The following PHLDB1 variants were observed in gnomAD, a reference collection of about 807,000 sequenced individuals.
The protein encoded by PHLDB1 is pleckstrin homology like domain family B member 1.
A neutral mutation model predicts 139.3 loss-of-function variants in PHLDB1; 65 were observed. The ratio of observed to expected loss-of-function variants is 0.47; its 90% CI spans 0.38 to 0.57. PHLDB1 has a LOEUF of 0.57. Ranked by LOEUF, PHLDB1 falls within the 20% of genes least tolerant of loss-of-function variation. The pLI is 0.00. For missense variants in PHLDB1, 1,624 were observed against 1,839.7 expected (o/e 0.88, Z 2.14); for synonymous variants, 679 against 734.5 (o/e 0.92, Z 1.22).
In PHLDB1 at chr11:118,657,972, G is replaced by C. The variant is rs1471954297; in HGVS notation, c.*1149G>C. ...CCTTGGTTGCCTGGGCCCAGGCTGG[G>C]GGTTTTCAGTATTTGTAAGCATTTC... On this transcript the variant is annotated 3_prime_UTR_variant, in exon 23 of 23. Coordinates refer to ENST00000600882, the MANE Select transcript of PHLDB1 (RefSeq NM_001144758.3). 3.2e-6 allele frequency: 1 copy of C among 311,492 alleles called. No individual in the cohort carries two copies. The allele number at this position is 311,492 out of a possible 1,614,324, so 19.3% of individuals were successfully genotyped here.
At chr11:118,631,076 C>T (rs1591599933) in intron 6 of PHLDB1, 131 bp from the exon 7 acceptor site, 1 of 792,064 alleles carries the variant, frequency 1.3e-6, no homozygotes, top group South Asian at 4.5e-5. Context: ...TCAGGCCTCT[C>T]CTGACTTGAC....
chr11:118,650,107 C>A lies in PHLDB1; in HGVS notation c.3685C>A (p.Arg1229=), dbSNP rs782338322. The A allele has an allele frequency of 9.9e-6, 16 of 1,614,138 alleles. No individual in the cohort carries two copies. The highest frequency in any genetic ancestry group is 1.4e-5 in the Non-Finnish European group (16 of 1,179,992). The stretch of plus-strand genomic sequence containing the variant: ...ACCCCTGACCCGCTACCTGCCAATC[C>A]GGAAGGAGGACTTTGACCTGAAGAC... ...ARPLTRYLPI[R]KEDFDLKTHI... The change falls in exon 19 of 23, where the codon CGG becomes AGG. Residue 1229 remains arginine (R), a synonymous_variant. Coordinates refer to ENST00000600882, the MANE Select transcript of PHLDB1 (RefSeq NM_001144758.3). The surrounding 1 kb of genome is among the most constrained non-coding windows in gnomAD (Gnocchi z 4.7).
intron 14 of PHLDB1, 40 bp from the exon 15 acceptor site, chr11:118,644,032 G>A: frequency 6.2e-7 from 1 of 1,607,516 alleles, no homozygotes; most frequent in Admixed American, 1.7e-5. Context: ...GGGGGTAAGG[G>A]CCTTCTGAGC....
chr11:118,622,078 T>G (rs1470524983), intron 4 of PHLDB1, among the ~76,000 whole-genome samples: 1 of 152,166 alleles, frequency 6.6e-6, no homozygotes, highest in African/African-American at 2.4e-5. Flanking sequence ...CTCTCACAGA[T>G]AGGATTCACC....
At chr11:118,639,402 G>C in intron 12 of PHLDB1, 151 bp downstream of exon 12, 1 of 648,446 alleles carries the variant, frequency 1.5e-6, no homozygotes, top group Non-Finnish European at 2.8e-6. Flanking sequence ...CCCAAGCTCT[G>C]GGATTTGATT....
In PHLDB1 at chr11:118,657,063, T is replaced by C. The variant is rs1195750088; in HGVS notation, c.*240T>C. 7.3e-6 allele frequency: 3 copies of C among 413,016 alleles called. No homozygotes were observed. The highest frequency in any genetic ancestry group is 6.0e-5 in the African/African-American group (3 of 50,304). 25.6% of individuals were successfully genotyped at this position (413,016 alleles called of 1,614,324 possible). On this transcript the variant is annotated 3_prime_UTR_variant, in exon 23 of 23. Coordinates refer to ENST00000600882, the MANE Select transcript of PHLDB1 (RefSeq NM_001144758.3). ...GCTGTCACAGAGAGGGCCTCAGCTC[T>C]GACCTGACACCTGCTCTCCCCAGCC...
intron 20 of PHLDB1, chr11:118,653,642 T>C (rs1948637926): frequency 6.6e-6 from 1 of 152,186 alleles, no homozygotes; most frequent in South Asian, 2.1e-4. Flanking sequence ...CACTGTGAGA[T>C]TGTAGTTTCC....
intron 18 of PHLDB1, among the ~76,000 whole-genome samples, chr11:118,648,572 G>C (rs1171484403): frequency 6.6e-6 from 1 of 152,024 alleles, no homozygotes; most frequent in Non-Finnish European, 1.5e-5. Context: ...ACACCCCACA[G>C]GACCTTTCAG....
In PHLDB1 at chr11:118,656,894, C is replaced by G; in HGVS notation, c.*71C>G. On this transcript the variant is annotated 3_prime_UTR_variant, in exon 23 of 23. Coordinates refer to ENST00000600882, the MANE Select transcript of PHLDB1 (RefSeq NM_001144758.3). ...GAAGACTTTAATATTCTGTAAGGAG[C>G]TTGGTCCTGTGAGTTTCTGGGCTCT... 1 of 1,402,342 alleles carries G rather than the reference C, an allele frequency of 7.1e-7. No individual in the cohort carries two copies. Among genetic ancestry groups the G allele is most frequent in the Non-Finnish European group, 9.8e-7 (1 of 1,021,770 alleles). 86.9% of individuals were successfully genotyped at this position (1,402,342 alleles called of 1,614,324 possible). A position where few individuals can be genotyped will look rare whatever the true frequency, so the allele number is the denominator to read the frequency against.
At position 118,632,363 on chromosome 11, in the gene PHLDB1, C is replaced by T; in HGVS notation, c.2379+67C>T. ...CCTGGGAGAGAAGGAGAAATGTCTT[C>T]TCTGGGGCCCTGTACCCTTCACCTC... On this transcript the variant is annotated intron_variant, in intron 9 of 22. Coordinates refer to ENST00000600882, the MANE Select transcript of PHLDB1 (RefSeq NM_001144758.3). This position sits in a 1 kb window ranked among gnomAD's most constrained non-coding sequence, Gnocchi z 5.9. 1 of 1,512,098 alleles carries T rather than the reference C, an allele frequency of 6.6e-7. No homozygotes were observed. Among genetic ancestry groups the T allele is most frequent in the Non-Finnish European group, 9.1e-7 (1 of 1,093,468 alleles). The allele number at this position is 1,512,098 out of a possible 1,614,324, so 93.7% of individuals were successfully genotyped here.
At chr11:118,630,025 C>G in intron 6 of PHLDB1, 1 of 1,264,702 alleles carries the variant, frequency 7.9e-7, no homozygotes, top group Non-Finnish European at 1.0e-6. Context: ...AGGCTCTGTT[C>G]CGGTTTTTTT....
In PHLDB1 at chr11:118,627,901, GC is replaced by G; in HGVS notation, c.1080del (p.Ile361SerfsTer3). 6.2e-7 allele frequency: 1 copy of G among 1,611,184 alleles called. No individual in the cohort carries two copies. ...PRLGGQLPVV[A>X]ISLSEYPASG... ...GCTGGGTGGGCAGCTGCCTGTGGTG[GC>G]CATCAGCCTGAGTGAATACCCAGCT... On this transcript the variant is annotated frameshift_variant, in exon 6 of 23. Transcript: ENST00000600882. LOFTEE classifies it high-confidence loss of function.
At chr11:118,631,785 G>A in intron 7 of PHLDB1, 128 bp from the exon 8 acceptor site, 2 of 1,128,644 alleles carry the variant, frequency 1.8e-6, no homozygotes, top group South Asian at 3.0e-5. Context: ...CGGGGGGGCA[G>A]GGAATTAGCC....
Position 118,646,919 on chromosome 11 carries a change from T to C in PHLDB1, c.3508-1011T>C, listed in dbSNP as rs373799507. The C allele has an allele frequency of 9.2e-5, 14 of 152,224 alleles. No homozygotes were observed. In the East Asian group the frequency reaches 2.5e-3, roughly 27 times the overall value. 9.4% of individuals were successfully genotyped at this position (152,224 alleles called of 1,614,324 possible). ...ATATGGCAAATGTATAAGCATCTCCTGGCAAATGTGGGGAAAGGAGATTCT... is the reference window on the plus strand; with the variant it reads ...ATATGGCAAATGTATAAGCATCTCCCGGCAAATGTGGGGAAAGGAGATTCT... On this transcript the variant is annotated intron_variant, in intron 17 of 22. Transcript: ENST00000600882.
chr11:118,643,286 G>A (rs1378398592), intron 13 of PHLDB1, among the ~76,000 whole-genome samples: 1 of 152,240 alleles, frequency 6.6e-6, no homozygotes, highest in African/African-American at 2.4e-5. Context: ...CAGCTAGGAA[G>A]TAGCAGAGCT....
intron 10 of PHLDB1, 139 bp downstream of exon 10, chr11:118,635,687 T>C (rs1337084313): frequency 4.1e-6 from 3 of 734,318 alleles, no homozygotes; most frequent in Non-Finnish European, 6.3e-6. Context: ...CAACAGGTTG[T>C]TGTGAGAATT....
At position 118,628,628 on chromosome 11, in the gene PHLDB1, G is replaced by T; in HGVS notation, c.1805G>T (p.Arg602Leu). The T allele has an allele frequency of 6.2e-7, 1 of 1,609,260 alleles. No homozygotes were observed. Among genetic ancestry groups the T allele is most frequent in the Non-Finnish European group, 8.5e-7 (1 of 1,178,734 alleles). ...YHRRQRQERL[R>L]EQEMERLERQ... The stretch of plus-strand genomic sequence containing the variant: ...CGGCGACAGCGCCAAGAGCGGCTCC[G>T]GGAGCAGGAGATGGAGAGGCTGGTG... Residue 602 changes from arginine to leucine, a missense_variant, in exon 6 of 23, where the codon CGG becomes CTG. By Grantham distance (102) the Arg-to-Leu change is moderately radical (BLOSUM62 -2). Transcript: ENST00000600882.
chr11:118,650,008 C>T lies in PHLDB1; in HGVS notation c.3655-69C>T. ...GGCTGTTGGGGTTTAGAAGTGAAGC[C>T]AAGGGGCCTGGACAGGGGAATAATG... On this transcript the variant is annotated intron_variant, in intron 18 of 22. Coordinates refer to ENST00000600882, the MANE Select transcript of PHLDB1 (RefSeq NM_001144758.3). The surrounding 1 kb of genome is among the most constrained non-coding windows in gnomAD (Gnocchi z 4.7). 1 of 1,171,646 alleles carries T rather than the reference C, an allele frequency of 8.5e-7. No homozygotes were observed. The allele number at this position is 1,171,646 out of a possible 1,614,324, so 72.6% of individuals were successfully genotyped here.
chr11:118,626,801 G>A (rs1290675624), intron 5 of PHLDB1: 3 of 162,788 alleles, frequency 1.8e-5, no homozygotes, highest in Non-Finnish European at 2.6e-5. Context: ...TTACAGACAT[G>A]TGCCACCATA....
Sources: gnomAD v4.1 joint callset for allele counts (sites outside exome capture counted in the v4.1 genomes callset) on GRCh38, gnomAD v4.1.1 for gene constraint, Gnocchi (gnomAD v3.1) non-coding constraint, MANE v1.5 for transcripts, NCBI Gene and HGNC (gene_info 2026-07-23, HGNC 2026-07-21) for gene names.